The following FBXL7 variants were observed in gnomAD, a reference collection of about 807,000 sequenced individuals.
FBXL7 encodes the protein F-box and leucine rich repeat protein 7.
In FBXL7, 12 loss-of-function variants were observed where a neutral mutation model predicts 38.3. The ratio of observed to expected loss-of-function variants is 0.31; its 90% CI spans 0.20 to 0.51. The LOEUF (loss-of-function observed/expected upper bound fraction) is 0.51, where lower values mean the gene tolerates loss of function less well. Among genes scored for constraint, FBXL7 ranks in the 20% least tolerant of loss-of-function variants. The probability of loss-of-function intolerance (pLI) is 0.98; values close to 1 mark genes in which losing one functional copy is unlikely to be tolerated. For synonymous variants in FBXL7, 297 were observed against 300.9 expected (o/e 0.99, Z 0.13); for missense variants, 567 against 676.4 (o/e 0.84, Z 1.79).
chr5:15,848,758 T>C (rs985674127), intron 2 of FBXL7, among the ~76,000 whole-genome samples: 1 of 141,846 alleles, frequency 7.0e-6, no homozygotes, highest in African/African-American at 3.2e-5. Flanking sequence ...AAAGTAACTG[T>C]GGGATTTTGT....
rs568110410 is a variant in FBXL7 at position 15,936,333 on chromosome 5, G to A, written c.740-117G>A. Reference sequence around the variant, plus strand: ...TCTATAGAGACCAAGACAGGAAAGGGTAACATCAGCCTCGGACCCAGACTT... The same window carrying A: ...TCTATAGAGACCAAGACAGGAAAGGATAACATCAGCCTCGGACCCAGACTT... On this transcript the variant is annotated intron_variant, in intron 3 of 3. Transcript: ENST00000504595. The surrounding 1 kb of genome is among the most constrained non-coding windows in gnomAD (Gnocchi z 6.0). 2.3e-4 allele frequency: 288 copies of A among 1,257,352 alleles called. 2 individuals carry two copies. The East Asian group carries it at 7.0e-3, about 31-fold the overall frequency. 77.9% of individuals were successfully genotyped at this position (1,257,352 alleles called of 1,614,324 possible).
chr5:15,717,905 T>C (rs919934854), intron 2 of FBXL7, among the ~76,000 whole-genome samples: 1 of 151,810 alleles, frequency 6.6e-6, no homozygotes, highest in African/African-American at 2.4e-5. Context: ...ATTCCCAGCT[T>C]TATAGATAAT....
intron 2 of FBXL7, among the ~76,000 whole-genome samples, chr5:15,862,192 GT>G (rs1220083632): frequency 3.3e-5 from 5 of 152,116 alleles, no homozygotes; most frequent in African/African-American, 7.2e-5. Context: ...CATGGGGGCG[GT>G]TTCCCCCATA....
chr5:15,510,945 C>T (rs2126355858), intron 1 of FBXL7, among the ~76,000 whole-genome samples: 2 of 152,316 alleles, frequency 1.3e-5, no homozygotes, highest in East Asian at 1.9e-4. Flanking sequence ...ACCCAGGGCA[C>T]ACAGCTGGTG....
intron 1 of FBXL7, 125 bp from the exon 2 acceptor site, chr5:15,615,858 C>T: frequency 1.8e-6 from 1 of 555,792 alleles, no homozygotes; most frequent in Non-Finnish European, 3.2e-6. Context: ...TAATAAACTC[C>T]ATTCTTTGTA....
intron 1 of FBXL7, among the ~76,000 whole-genome samples, chr5:15,551,470 G>A (rs11133820): frequency 2.9e-4 from 44 of 152,188 alleles, no homozygotes; most frequent in Non-Finnish European, 5.6e-4. Context: ...ATATTATCAA[G>A]AGCAAGAATT....
In FBXL7 at chr5:15,762,805, C is replaced by G. The variant is rs1736485536; in HGVS notation, c.127+146733C>G. Among the ~76,000 whole-genome samples the G allele has an allele frequency of 2.0e-5, 3 of 151,436 alleles. No homozygotes were observed. The South Asian group carries it at 6.2e-4, about 31-fold the overall frequency. On this transcript the variant is annotated intron_variant, in intron 2 of 3. Transcript: ENST00000504595. ...ATTTAACATTTTGGTTGAAACATAT[C>G]TGAAATGCATTACGTAGTGTCTTCC...
intron 2 of FBXL7, among the ~76,000 whole-genome samples, chr5:15,807,527 G>A (rs544399669): frequency 6.6e-6 from 1 of 152,258 alleles, no homozygotes; most frequent in African/African-American, 2.4e-5. Context: ...CATGATAATG[G>A]TATGTAGGTC....
At chr5:15,644,785 A>G (rs1461558497) in intron 2 of FBXL7, among the ~76,000 whole-genome samples, 1 of 152,062 alleles carries the variant, frequency 6.6e-6, no homozygotes, top group Non-Finnish European at 1.5e-5. Flanking sequence ...TATGCATGAG[A>G]AAGTAAATCT....
In FBXL7 at chr5:15,693,697, G is replaced by A. The variant is rs1444343661; in HGVS notation, c.127+77625G>A. ...AGCTGGACATCAAGAGGAACACACT[G>A]GCAGAAGAACACACCGACAGATGCT... On this transcript the variant is annotated intron_variant, in intron 2 of 3. Transcript: ENST00000504595. Among the ~76,000 whole-genome samples the A allele has an allele frequency of 2.0e-5, 3 of 152,134 alleles. No homozygotes were observed. The South Asian group carries it at 6.2e-4, about 32-fold the overall frequency.
At chr5:15,626,410 A>G (rs766265115) in intron 2 of FBXL7, among the ~76,000 whole-genome samples, 2 of 152,210 alleles carry the variant, frequency 1.3e-5, no homozygotes, top group Non-Finnish European at 2.9e-5. Context: ...TAAGCCTACA[A>G]ATGTACAATA....
At chr5:15,927,494 G>A (rs182450505) in intron 2 of FBXL7, among the ~76,000 whole-genome samples, 6 of 152,228 alleles carry the variant, frequency 3.9e-5, no homozygotes, top group East Asian at 1.9e-4. Context: ...GGTGCTGGCC[G>A]GGCACGCTGG....
intron 1 of FBXL7, among the ~76,000 whole-genome samples, chr5:15,557,034 T>A (rs9312892): frequency 0.4 from 61,054 of 151,786 alleles, 13,076 homozygotes; most frequent in African/African-American, 0.55. Flanking sequence ...GCTTCCTGGG[T>A]TCACGCCATT....
chr5:15,916,184 A>G (rs1741579296), intron 2 of FBXL7, among the ~76,000 whole-genome samples: 1 of 152,196 alleles, frequency 6.6e-6, no homozygotes, highest in Non-Finnish European at 1.5e-5. Context: ...TGCCTGTGCT[A>G]TGTAAAATAC....
At chr5:15,923,953 G>A (rs535698726) in intron 2 of FBXL7, among the ~76,000 whole-genome samples, 1 of 152,220 alleles carries the variant, frequency 6.6e-6, no homozygotes, top group African/African-American at 2.4e-5. Flanking sequence ...AGGCAGGCAG[G>A]AGAGGGATTT....
At position 15,791,097 on chromosome 5, in the gene FBXL7, C is replaced by T. The variant is rs1737266725; in HGVS notation, c.128-136793C>T. 2.7e-5 allele frequency among the ~76,000 whole-genome samples: 4 copies of T among 149,126 alleles called. No homozygotes were observed. The South Asian group carries it at 8.5e-4, about 32-fold the overall frequency. On this transcript the variant is annotated intron_variant, in intron 2 of 3. Transcript: ENST00000504595. ...GGGGGGGGGGGGTTATTGCATGTAT[C>T]TAAGCCTTATTGTACTCCACCCTAA...
intron 2 of FBXL7, among the ~76,000 whole-genome samples, chr5:15,700,311 T>A (rs1229772459): frequency 6.6e-6 from 1 of 152,222 alleles, no homozygotes; most frequent in Admixed American, 6.5e-5. Context: ...AGAATACAGA[T>A]AAAATACAGA....
intron 2 of FBXL7, among the ~76,000 whole-genome samples, chr5:15,622,170 TG>T (rs1740671892): frequency 1.3e-5 from 2 of 152,098 alleles, no homozygotes; most frequent in Non-Finnish European, 2.9e-5. Flanking sequence ...TTGTTTCACA[TG>T]GTGTATTTGC....
intron 1 of FBXL7, among the ~76,000 whole-genome samples, chr5:15,550,891 C>T (rs1181124774): frequency 2.6e-5 from 4 of 152,200 alleles, no homozygotes; most frequent in Admixed American, 6.5e-5. Context: ...TATTTCTGAC[C>T]TCCCCTTTGG....
Sources: gnomAD v4.1 joint callset for allele counts (sites outside exome capture counted in the v4.1 genomes callset) on GRCh38, gnomAD v4.1.1 for gene constraint, Gnocchi (gnomAD v3.1) non-coding constraint, MANE v1.5 for transcripts, NCBI Gene and HGNC (gene_info 2026-07-23, HGNC 2026-07-21) for gene names.